Variants in PGAP2 observed in about 807,000 individuals in gnomAD.
The protein encoded by PGAP2 is acyltransferase PGAP2.
In PGAP2, 21 loss-of-function variants were observed where a neutral mutation model predicts 33.2. The ratio of observed to expected loss-of-function variants is 0.63; its 90% CI spans 0.45 to 0.91. The LOEUF (loss-of-function observed/expected upper bound fraction) is 0.91. Among genes scored for constraint, PGAP2 ranks in the 40% least tolerant of loss-of-function variants. PGAP2 has a pLI of 0.00. For synonymous variants in PGAP2, 161 were observed against 172.9 expected, an observed-to-expected ratio of 0.93 and a Z score of 0.54; for missense variants, 345 against 424.0, an observed-to-expected ratio of 0.81 and a Z score of 1.64.
chr11:3,814,748 TTTTC>T (rs57460101), intron 2 of PGAP2, among the ~76,000 whole-genome samples: 6,704 of 110,550 alleles, frequency 0.061, 363 homozygotes, highest in African/African-American at 0.11. Context: ...TCTTTCCTTC[TTTTC>T]TTTCTTTCTT....
At position 3,825,483 on chromosome 11, in the gene PGAP2, C is replaced by T. The variant is rs371208237; in HGVS notation, c.*25C>T. ...AACCCTTCAGTCCTGCTTGGGAGGACGCAGCCCACTGCCCAGAAACAAGAA... is the reference window on the plus strand; with the variant it reads ...AACCCTTCAGTCCTGCTTGGGAGGATGCAGCCCACTGCCCAGAAACAAGAA... On this transcript the variant is annotated 3_prime_UTR_variant, in exon 7 of 7. Coordinates refer to ENST00000278243, the MANE Select transcript of PGAP2 (RefSeq NM_014489.4). The T allele has an allele frequency of 1.6e-4, 252 of 1,607,514 alleles. No individual in the cohort carries two copies. The highest frequency in any genetic ancestry group is 1.1e-3 in the South Asian group (95 of 90,336).
chr11:3,822,180 C>T (rs561638972), intron 3 of PGAP2, among the ~76,000 whole-genome samples: 58 of 151,956 alleles, frequency 3.8e-4, no homozygotes, highest in Admixed American at 1.8e-3. Flanking sequence ...CTGGCTAACA[C>T]GGTGAAACCC....
chr11:3,818,088 C>T (rs2087566244), intron 3 of PGAP2: 1 of 275,876 alleles, frequency 3.6e-6, no homozygotes, highest in Non-Finnish European at 7.1e-6. Flanking sequence ...GCAGGCTGTG[C>T]ACTGTGGCTC....
chr11:3,809,959 G>T (rs986422467), intron 1 of PGAP2, among the ~76,000 whole-genome samples: 5 of 152,210 alleles, frequency 3.3e-5, no homozygotes, highest in Middle Eastern at 3.2e-3. Context: ...GAGTCTTGTG[G>T]GTGGGGTCAG....
chr11:3,825,250 G>T, intron 6 of PGAP2, 78 bp from the exon 7 acceptor site: 1 of 1,565,858 alleles, frequency 6.4e-7, no homozygotes, highest in South Asian at 1.1e-5. Context: ...CAGACCAATG[G>T]TGGTGTGATT....
At position 3,817,368 on chromosome 11, in the gene PGAP2, A is replaced by G; in HGVS notation, c.181A>G (p.Met61Val). 1 of 1,613,216 alleles carries G rather than the reference A, an allele frequency of 6.2e-7. No individual in the cohort carries two copies. Among genetic ancestry groups the G allele is most frequent in the Non-Finnish European group, 8.5e-7 (1 of 1,179,358 alleles). The change falls in exon 3 of 7, where the codon ATG (methionine) becomes GTG (valine). Residue 61 changes from methionine to valine, a missense_variant. Transcript: ENST00000278243. ...TGCTGCTTAGGCCACGCCCTGCAGG[A>G]TGTTCTCTGCGGCCTCCCAGCCTTT... ...ATHCGATPCR[M>V]FSAASQPLDP...
chr11:3,817,477 T>G lies in PGAP2; in HGVS notation c.290T>G (p.Phe97Cys), dbSNP rs768822444. Residue 97 changes from phenylalanine to cysteine, a missense_variant, in exon 3 of 7, where the codon TTC becomes TGC. Phe to Cys is a radical substitution (Grantham distance 205, BLOSUM62 -2). Around this residue, in one of 2 missense-constraint regions of PGAP2, gnomAD observed 311 missense variants for 353.6 expected, o/e 0.88. Coordinates refer to ENST00000278243, the MANE Select transcript of PGAP2 (RefSeq NM_014489.4). Reference sequence around the variant, plus strand: ...ACTTTTCCTGTGTTCGGCTTCTTCTTCTGCATCATCTGGTCCCTGGTGTTC... The same window carrying G: ...ACTTTTCCTGTGTTCGGCTTCTTCTGCTGCATCATCTGGTCCCTGGTGTTC... The part of the protein sequence containing the change: ...AITFPVFGFF[F>C]CIIWSLVFHF... 7 of 1,614,210 alleles carry G rather than the reference T, an allele frequency of 4.3e-6. No individual in the cohort carries two copies. In the East Asian group the frequency reaches 1.6e-4, roughly 36 times the overall value.
intron 1 of PGAP2, among the ~76,000 whole-genome samples, chr11:3,800,208 C>T (rs1358141762): frequency 1.3e-5 from 2 of 152,184 alleles, no homozygotes; most frequent in Non-Finnish European, 2.9e-5. Flanking sequence ...AAGTCATTAA[C>T]TCTCCCTAGA....
At chr11:3,815,106 T>G (rs565405640) in intron 2 of PGAP2, among the ~76,000 whole-genome samples, 6 of 149,674 alleles carry the variant, frequency 4.0e-5, no homozygotes, top group Non-Finnish European at 8.9e-5. Context: ...CCTGGCTCAT[T>G]TTTTGTATTT....
upstream of PGAP2, among the ~76,000 whole-genome samples, chr11:3,807,523 G>C (rs1253563508): frequency 6.6e-6 from 1 of 151,648 alleles, no homozygotes; most frequent in African/African-American, 2.4e-5. Flanking sequence ...GGCCAGGCTG[G>C]TGTCAAACTC....
chr11:3,806,435 C>T (rs181655120), upstream of PGAP2, among the ~76,000 whole-genome samples: 5 of 152,220 alleles, frequency 3.3e-5, no homozygotes, highest in South Asian at 2.1e-4. Context: ...ACTCTGAGTG[C>T]GCACCTTCTC....
At chr11:3,806,407 T>C (rs2084348941), upstream of PGAP2, among the ~76,000 whole-genome samples, 1 of 152,066 alleles carries the variant, frequency 6.6e-6, no homozygotes, top group South Asian at 2.1e-4. Context: ...TCAAGAAAAG[T>C]AGTTTTTAGA....
chr11:3,821,585 C>T (rs2088651500), intron 3 of PGAP2, among the ~76,000 whole-genome samples: 1 of 151,866 alleles, frequency 6.6e-6, no homozygotes, highest in South Asian at 2.1e-4. Context: ...ATGGTGAAAC[C>T]CCATCTCTAC....
At chr11:3,810,385 G>T (rs1243270413) in intron 1 of PGAP2, among the ~76,000 whole-genome samples, 1 of 152,186 alleles carries the variant, frequency 6.6e-6, no homozygotes, top group Non-Finnish European at 1.5e-5. Flanking sequence ...GCAGATTCCT[G>T]CTCCAACTTT....
chr11:3,816,953 G>A (rs1340699352), intron 2 of PGAP2, among the ~76,000 whole-genome samples: 3 of 152,150 alleles, frequency 2.0e-5, no homozygotes, highest in Non-Finnish European at 4.4e-5. Flanking sequence ...GCATAGTTCT[G>A]GGCCTCAGTC....
upstream of PGAP2, among the ~76,000 whole-genome samples, chr11:3,804,151 G>A (rs2083940911): frequency 1.3e-5 from 2 of 152,012 alleles, no homozygotes; most frequent in South Asian, 4.1e-4. Flanking sequence ...TATTATTTTA[G>A]TGATCTCCCT....
upstream of PGAP2, among the ~76,000 whole-genome samples, chr11:3,806,912 C>G (rs1045464757): frequency 3.3e-5 from 5 of 151,768 alleles, no homozygotes; most frequent in African/African-American, 7.3e-5. Context: ...TCCCAGCTAC[C>G]CGGGAGGCTG....
At chr11:3,824,620 G>T (rs1224043971) in intron 5 of PGAP2, 4 of 698,414 alleles carry the variant, frequency 5.7e-6, no homozygotes, top group African/African-American at 5.4e-5. Flanking sequence ...GGCTGCAAAT[G>T]GGGATAGAAT....
At chr11:3,815,834 A>G (rs146725353) in intron 2 of PGAP2, among the ~76,000 whole-genome samples, 3 of 152,266 alleles carry the variant, frequency 2.0e-5, no homozygotes, top group Non-Finnish European at 2.9e-5. Flanking sequence ...TCTCTTTTGT[A>G]TCCTGCTTCT....
Sources: allele counts gnomAD v4.1 joint callset (sites outside exome capture counted in the v4.1 genomes callset), GRCh38; gene constraint gnomAD v4.1.1; regional missense constraint gnomAD v4.1.1; transcripts MANE v1.5; gene names NCBI Gene and HGNC (gene_info 2026-07-23, HGNC 2026-07-21).